Variants in PIWIL2 observed in about 807,000 individuals in gnomAD.
The protein encoded by PIWIL2 is piwi-like protein 2.
Under a neutral mutation model 116.5 loss-of-function variants are expected in PIWIL2, and 81 were observed. The observed-to-expected ratio is 0.70, with a 90% CI of 0.58 to 0.84. The LOEUF is 0.84. PIWIL2 is among the 40% of genes least tolerant of loss of function. The pLI, the probability that PIWIL2 is intolerant of heterozygous loss-of-function variation, is 0.00. For synonymous variants in PIWIL2, 489 were observed against 429.5 expected, an observed-to-expected ratio of 1.14 and a Z score of -1.71; for missense variants, 1,272 against 1,212.3, an observed-to-expected ratio of 1.05 and a Z score of -0.73.
intron 7 of PIWIL2, 84 bp from the exon 8 acceptor site, chr8:22,288,458 A>C (rs1830680900): frequency 3.6e-6 from 4 of 1,116,414 alleles, no homozygotes; most frequent in Admixed American, 4.6e-5. Context: ...AGTGTTCTTA[A>C]GAACACAGTT....
chr8:22,354,250 A>G lies in PIWIL2; in HGVS notation c.2658-21A>G, dbSNP rs763022405. The G allele has an allele frequency of 5.3e-6, 8 of 1,503,954 alleles. No homozygotes were observed. The South Asian group carries it at 9.0e-5, about 17-fold the overall frequency. The allele number at this position is 1,503,954 out of a possible 1,614,324, so 93.2% of individuals were successfully genotyped here. A position where few individuals can be genotyped will look rare whatever the true frequency, so the allele number is the denominator to read the frequency against. On this transcript the variant is annotated intron_variant, in intron 21 of 22. Coordinates refer to ENST00000356766, the MANE Select transcript of PIWIL2 (RefSeq NM_018068.5). ...CTGGCTGAATCCGACCATTTCACTG[A>G]TTTATGGTTTTCCTTCCTAGGGTGG...
intron 20 of PIWIL2, among the ~76,000 whole-genome samples, chr8:22,332,642 A>C (rs1586586873): frequency 2.0e-5 from 3 of 152,234 alleles, no homozygotes; most frequent in African/African-American, 2.4e-5. Context: ...CTAATAGCTA[A>C]CATCAAAATA....
At chr8:22,339,166 T>G (rs941553373) in intron 20 of PIWIL2, among the ~76,000 whole-genome samples, 1 of 152,178 alleles carries the variant, frequency 6.6e-6, no homozygotes, top group Non-Finnish European at 1.5e-5. Context: ...TTACACAGTA[T>G]ACAAAAAGTA....
At chr8:22,288,761 A>G in intron 8 of PIWIL2, 95 bp downstream of exon 8, 11 of 1,109,330 alleles carry the variant, frequency 9.9e-6, no homozygotes, top group South Asian at 1.6e-5. Flanking sequence ...ACGTGACAGT[A>G]TATTCTAGAT....
chr8:22,325,629 G>A (rs961079175), intron 20 of PIWIL2, among the ~76,000 whole-genome samples: 20 of 151,520 alleles, frequency 1.3e-4, no homozygotes, highest in East Asian at 1.2e-3. Flanking sequence ...GATTACAAGC[G>A]TGCGCCACCA....
At chr8:22,336,083 TATA>T (rs1166732356) in intron 20 of PIWIL2, among the ~76,000 whole-genome samples, 1 of 152,154 alleles carries the variant, frequency 6.6e-6, no homozygotes, top group Non-Finnish European at 1.5e-5. Context: ...CAGTCTTAGA[TATA>T]ATAATTAGAT....
intron 21 of PIWIL2, among the ~76,000 whole-genome samples, 195 bp from the exon 22 acceptor site, chr8:22,354,076 T>A (rs749533616): frequency 1.3e-5 from 2 of 152,082 alleles, no homozygotes; most frequent in Non-Finnish European, 2.9e-5. Flanking sequence ...GCACCCAGCC[T>A]GTTACCACCA....
intron 20 of PIWIL2, among the ~76,000 whole-genome samples, 174 bp downstream of exon 20, chr8:22,318,449 CT>C (rs1485982942): frequency 6.6e-6 from 1 of 152,114 alleles, no homozygotes; most frequent in African/African-American, 2.4e-5. Flanking sequence ...TTCCAAGTAG[CT>C]GGGATTACAG....
At chr8:22,343,915 G>T (rs191373938) in intron 20 of PIWIL2, among the ~76,000 whole-genome samples, 2 of 152,188 alleles carry the variant, frequency 1.3e-5, no homozygotes, top group East Asian at 3.9e-4. Flanking sequence ...GAAAACTTAC[G>T]CCCACACAAA....
At chr8:22,344,930 A>G (rs886419527) in intron 20 of PIWIL2, among the ~76,000 whole-genome samples, 1 of 152,244 alleles carries the variant, frequency 6.6e-6, no homozygotes, top group Non-Finnish European at 1.5e-5. Flanking sequence ...TGTCCAGGAC[A>G]TGGAGAAATT....
intron 18 of PIWIL2, 80 bp downstream of exon 18, chr8:22,315,225 G>A: frequency 1.2e-6 from 1 of 811,950 alleles, no homozygotes; most frequent in South Asian, 1.5e-5. Context: ...TATTCGTTAT[G>A]CTTCCTCTTC....
At chr8:22,330,803 C>T (rs1831843371) in intron 20 of PIWIL2, among the ~76,000 whole-genome samples, 1 of 152,148 alleles carries the variant, frequency 6.6e-6, no homozygotes, top group Non-Finnish European at 1.5e-5. Context: ...AGGACAGTCT[C>T]TGTTGACTTT....
intron 20 of PIWIL2, among the ~76,000 whole-genome samples, chr8:22,320,399 C>T (rs74598324): frequency 0.28 from 41,654 of 151,218 alleles, 7,181 homozygotes; most frequent in East Asian, 0.5. Context: ...TCCCGAGTAG[C>T]TGGGATTACC....
At chr8:22,280,671 A>G (rs571640172) in intron 2 of PIWIL2, among the ~76,000 whole-genome samples, 28 of 152,330 alleles carry the variant, frequency 1.8e-4, no homozygotes, top group African/African-American at 6.3e-4. Context: ...AGGTTACACA[A>G]ACCTCTGATA....
intron 11 of PIWIL2, among the ~76,000 whole-genome samples, chr8:22,304,524 A>G (rs1018518105): frequency 3.3e-5 from 5 of 152,140 alleles, no homozygotes; most frequent in South Asian, 2.1e-4. Context: ...TCATGTTTCT[A>G]TTGCCTGAAC....
At chr8:22,311,872 C>A (rs1397561956) in intron 16 of PIWIL2, among the ~76,000 whole-genome samples, 1 of 152,198 alleles carries the variant, frequency 6.6e-6, no homozygotes, top group East Asian at 1.9e-4. Context: ...GTAATTAGCC[C>A]TTGAATTGAA....
At chr8:22,290,918 G>C (rs1284735408) in intron 10 of PIWIL2, among the ~76,000 whole-genome samples, 1 of 151,618 alleles carries the variant, frequency 6.6e-6, no homozygotes, top group African/African-American at 2.4e-5. Context: ...TGCTGAGTTT[G>C]CATATAATAA....
At chr8:22,282,999 A>G in intron 4 of PIWIL2, 35 bp from the exon 5 acceptor site, 3 of 1,544,526 alleles carry the variant, frequency 1.9e-6, no homozygotes, top group Middle Eastern at 1.7e-4. Context: ...AGCTATTATA[A>G]AAAACCCTGA....
rs1351314031 is a variant in PIWIL2 at position 22,292,499 on chromosome 8, G to T, written c.1181+2153G>T. On this transcript the variant is annotated intron_variant, in intron 10 of 22. Transcript: ENST00000356766. ...GATAAGAGAAAGAGAAGCTGAAGAT[G>T]CCTTGAACTTTTTTATAATTATTCT... 2.4e-4 allele frequency among the ~76,000 whole-genome samples: 36 copies of T among 152,364 alleles called. 1 individual carries two copies. Among genetic ancestry groups the T allele is most frequent in the Admixed American group, 2.4e-3 (36 of 15,310 alleles).
Sources: allele counts gnomAD v4.1 joint callset (sites outside exome capture counted in the v4.1 genomes callset), GRCh38; gene constraint gnomAD v4.1.1; transcripts MANE v1.5; gene names NCBI Gene and HGNC (gene_info 2026-07-23, HGNC 2026-07-21).